KCNQ5: variants seen among roughly 807,000 people sequenced by gnomAD.
KCNQ5 encodes the protein potassium voltage-gated channel subfamily Q member 5, also known as potassium voltage-gated channel subfamily KQT member 5.
KCNQ5 carries 30 observed loss-of-function variants against 98.2 expected under a neutral mutation model. The ratio of observed to expected loss-of-function variants is 0.31; its 90% CI spans 0.23 to 0.41. The LOEUF is 0.41. Ranked by LOEUF, KCNQ5 falls within the 10% of genes least tolerant of loss-of-function variation. The pLI is 1.00. For synonymous variants in KCNQ5, 458 were observed against 449.4 expected, an observed-to-expected ratio of 1.02 and a Z score of -0.24; for missense variants, 835 against 1,182.5, an observed-to-expected ratio of 0.71 and a Z score of 4.31.
At chr6:72,931,875 G>A (rs1486794622) in intron 1 of KCNQ5, among the ~76,000 whole-genome samples, 1 of 152,124 alleles carries the variant, frequency 6.6e-6, no homozygotes, top group Non-Finnish European at 1.5e-5. Flanking sequence ...AAAGGCTAGA[G>A]TTGAGGGAGG....
intron 1 of KCNQ5, among the ~76,000 whole-genome samples, chr6:72,719,824 C>T (rs1436117507): frequency 3.3e-5 from 5 of 152,228 alleles, no homozygotes; most frequent in Admixed American, 1.3e-4. Context: ...CTCTAGACCA[C>T]TCCTGAGGCA....
intron 9 of KCNQ5, chr6:73,129,648 ATAGTACTCTC>A (rs926783346): frequency 7.8e-6 from 5 of 638,528 alleles, no homozygotes; most frequent in Non-Finnish European, 5.3e-6. Context: ...ATTAAACAAC[ATAGTACTCTC>A]TGCTTAAATA....
At chr6:72,918,721 A>G (rs1191219261) in intron 1 of KCNQ5, among the ~76,000 whole-genome samples, 2 of 152,122 alleles carry the variant, frequency 1.3e-5, no homozygotes, top group Non-Finnish European at 2.9e-5. Flanking sequence ...AGAGCCACCA[A>G]ATAAAATTTT....
intron 5 of KCNQ5, 54 bp from the exon 6 acceptor site, chr6:73,105,203 C>T (rs1774952945): frequency 5.0e-6 from 5 of 1,002,938 alleles, no homozygotes; most frequent in Non-Finnish European, 7.6e-6. Flanking sequence ...GTTCATAGGT[C>T]CTAACTTTCC....
chr6:72,847,890 C>G lies in KCNQ5; in HGVS notation c.399-156018C>G, dbSNP rs138953639. Among the ~76,000 whole-genome samples the G allele has an allele frequency of 1.6e-3, 239 of 152,162 alleles. 1 individual carries two copies. The highest frequency in any genetic ancestry group is 5.9e-3 in the Admixed American group (90 of 15,254). The stretch of plus-strand genomic sequence containing the variant: ...TAGAGTGGTAGCACCTTCCTTAGAT[C>G]GGGAAAGCCAAATAGCTTAGAAGAT... On this transcript the variant is annotated intron_variant, in intron 1 of 13. Transcript: ENST00000370398.
At chr6:72,642,804 T>G (rs1334247632) in intron 1 of KCNQ5, among the ~76,000 whole-genome samples, 2 of 152,154 alleles carry the variant, frequency 1.3e-5, no homozygotes, top group Non-Finnish European at 2.9e-5. Context: ...AAGACACATG[T>G]ACACGTATGT....
intron 1 of KCNQ5, among the ~76,000 whole-genome samples, chr6:72,913,748 C>A (rs1210329900): frequency 6.6e-6 from 1 of 152,150 alleles, no homozygotes; most frequent in African/African-American, 2.4e-5. Context: ...TAAGAAAAGA[C>A]AGATTAACAA....
chr6:72,847,311 G>A (rs1777061527), intron 1 of KCNQ5, among the ~76,000 whole-genome samples: 1 of 152,064 alleles, frequency 6.6e-6, no homozygotes, highest in South Asian at 2.1e-4. Flanking sequence ...TTACAGGCAT[G>A]TGCCACCACG....
intron 1 of KCNQ5, among the ~76,000 whole-genome samples, chr6:72,862,505 T>G (rs1450541912): frequency 6.6e-6 from 1 of 152,218 alleles, no homozygotes; most frequent in East Asian, 1.9e-4. Context: ...CAAAAGATTT[T>G]TTCTAATTAA....
At chr6:72,746,801 A>G (rs531611446) in intron 1 of KCNQ5, among the ~76,000 whole-genome samples, 93 of 152,300 alleles carry the variant, frequency 6.1e-4, no homozygotes, top group African/African-American at 2.2e-3. Context: ...GAACATTAAC[A>G]TTAACAACAT....
intron 1 of KCNQ5, among the ~76,000 whole-genome samples, chr6:72,776,878 G>C (rs1297746976): frequency 6.6e-6 from 1 of 152,120 alleles, no homozygotes; most frequent in African/African-American, 2.4e-5. Context: ...ATGAGGCCAG[G>C]GTGCCATGAA....
At chr6:73,101,110 G>A (rs1582359179) in intron 5 of KCNQ5, among the ~76,000 whole-genome samples, 1 of 152,234 alleles carries the variant, frequency 6.6e-6, no homozygotes, top group South Asian at 2.1e-4. Context: ...AAGTAGAGGA[G>A]GAACAAATAC....
chr6:73,157,170 C>T (rs16883423), intron 10 of KCNQ5, among the ~76,000 whole-genome samples: 15,187 of 152,262 alleles, frequency 0.1, 986 homozygotes, highest in East Asian at 0.25. Context: ...AATTAAACGC[C>T]TCGTTTCCTC....
At chr6:72,640,366 A>ATAG (rs147328732) in intron 1 of KCNQ5, among the ~76,000 whole-genome samples, 7 of 151,624 alleles carry the variant, frequency 4.6e-5, no homozygotes, top group African/African-American at 1.7e-4. Flanking sequence ...TATACTTTGT[A>ATAG]ACCATATATA....
intron 1 of KCNQ5, among the ~76,000 whole-genome samples, chr6:72,704,173 A>T (rs1165158454): frequency 6.6e-6 from 1 of 152,168 alleles, no homozygotes; most frequent in Admixed American, 6.5e-5. Flanking sequence ...GGCTTTGGGC[A>T]AGGTCATTTC....
intron 1 of KCNQ5, among the ~76,000 whole-genome samples, chr6:72,771,592 A>G (rs1008182981): frequency 3.3e-5 from 5 of 151,876 alleles, no homozygotes; most frequent in African/African-American, 1.2e-4. Flanking sequence ...CACACACAAT[A>G]AAGGGTAACT....
At chr6:72,852,012 A>C (rs1777279920) in intron 1 of KCNQ5, among the ~76,000 whole-genome samples, 1 of 152,162 alleles carries the variant, frequency 6.6e-6, no homozygotes, top group African/African-American at 2.4e-5. Context: ...ACATACTATT[A>C]GTAGTTACTA....
chr6:72,765,963 A>G (rs1322913353), intron 1 of KCNQ5, among the ~76,000 whole-genome samples: 3 of 152,166 alleles, frequency 2.0e-5, no homozygotes, highest in Non-Finnish European at 4.4e-5. Flanking sequence ...CTAATGATCT[A>G]CTGTGTGCCA....
intron 1 of KCNQ5, among the ~76,000 whole-genome samples, chr6:72,671,606 C>T (rs1395573501): frequency 6.6e-6 from 1 of 152,052 alleles, no homozygotes; most frequent in African/African-American, 2.4e-5. Context: ...TAAGAAAAAG[C>T]ACCAATTTTA....
Sources: allele counts gnomAD v4.1 joint callset (sites outside exome capture counted in the v4.1 genomes callset), GRCh38; gene constraint gnomAD v4.1.1; transcripts MANE v1.5; gene names NCBI Gene and HGNC (gene_info 2026-07-23, HGNC 2026-07-21).